Variants in ARPC1A observed in about 807,000 individuals in gnomAD.
The protein encoded by ARPC1A is actin related protein 2/3 complex subunit 1A.
Under a neutral mutation model 46.9 loss-of-function variants are expected in ARPC1A, and 8 were observed. The ratio of observed to expected loss-of-function variants is 0.17; its 90% CI spans 0.10 to 0.31. The LOEUF (loss-of-function observed/expected upper bound fraction) is 0.31, where lower values mean the gene tolerates loss of function less well. Among genes scored for constraint, ARPC1A ranks in the 10% least tolerant of loss-of-function variants. ARPC1A has a pLI of 1.00. For missense variants in ARPC1A, 286 were observed against 483.6 expected, an observed-to-expected ratio of 0.59 and a Z score of 3.83; for synonymous variants, 152 against 169.0, an observed-to-expected ratio of 0.90 and a Z score of 0.78.
chr7:99,344,735 C>T (rs1202010272), intron 4 of ARPC1A, among the ~76,000 whole-genome samples: 2 of 151,860 alleles, frequency 1.3e-5, no homozygotes, highest in East Asian at 1.9e-4. Context: ...ATGTTCTGAT[C>T]GCCTAACTTG....
chr7:99,357,556 C>T (rs979473310), intron 6 of ARPC1A, among the ~76,000 whole-genome samples: 1 of 151,684 alleles, frequency 6.6e-6, no homozygotes, highest in Non-Finnish European at 1.5e-5. Context: ...TCTCAAACTC[C>T]TGCCTCCAGC....
At position 99,344,416 on chromosome 7, in the gene ARPC1A, C is replaced by T; in HGVS notation, c.293C>T (p.Ala98Val). 6.2e-7 allele frequency: 1 copy of T among 1,613,984 alleles called. No individual in the cohort carries two copies. The highest frequency in any genetic ancestry group is 8.5e-7 in the Non-Finnish European group (1 of 1,179,864). Residue 98 changes from alanine (A) to valine (V), a missense_variant, in exon 4 of 10, where the codon GCA (alanine) becomes GTA (valine). Transcript: ENST00000262942. ...CTGGTGATCCTGAGAATTAATCGCGCAGCTACTTTTGTGAAGTGGTCCCCC... is the reference window on the plus strand; with the variant it reads ...CTGGTGATCCTGAGAATTAATCGCGTAGCTACTTTTGTGAAGTGGTCCCCC... ...PTLVILRINR[A>V]ATFVKWSPLE...
chr7:99,338,082 T>C (rs557395699), intron 2 of ARPC1A, 99 bp from the exon 3 acceptor site: 1 of 806,852 alleles, frequency 1.2e-6, no homozygotes, highest in Admixed American at 3.4e-5. Context: ...GTTTTTCTTT[T>C]CCTTACTATA....
At chr7:99,363,836 C>T (rs79116928) in intron 9 of ARPC1A, among the ~76,000 whole-genome samples, 6,858 of 151,846 alleles carry the variant, frequency 0.045, 483 homozygotes, top group East Asian at 0.31. Context: ...CACCATGCTC[C>T]GTGAATATTT....
chr7:99,330,063 TAAA>T (rs549591360), intron 1 of ARPC1A, among the ~76,000 whole-genome samples: 1 of 144,026 alleles, frequency 6.9e-6, no homozygotes, highest in African/African-American at 2.5e-5. Context: ...GAAGTTCTTG[TAAA>T]AAAAAAAAAC....
chr7:99,336,146 C>T (rs1179593910), intron 2 of ARPC1A, among the ~76,000 whole-genome samples: 2 of 152,130 alleles, frequency 1.3e-5, no homozygotes, highest in East Asian at 1.9e-4. Context: ...AATACAGATG[C>T]AAGCTATCAT....
intron 9 of ARPC1A, among the ~76,000 whole-genome samples, chr7:99,364,268 CTT>C (rs1226720404): frequency 0.018 from 2,125 of 117,266 alleles, 54 homozygotes; most frequent in African/African-American, 0.07. Flanking sequence ...AGATCTCTCT[CTT>C]TTTTTTTTTT....
intron 2 of ARPC1A, among the ~76,000 whole-genome samples, chr7:99,336,441 A>G (rs548637403): frequency 2.0e-5 from 3 of 150,252 alleles, no homozygotes; most frequent in Admixed American, 2.0e-4. Context: ...GTAGGTGGGG[A>G]CTATTAATGA....
chr7:99,344,888 A>T (rs1562799241), intron 4 of ARPC1A, among the ~76,000 whole-genome samples: 1 of 86,888 alleles, frequency 1.2e-5, no homozygotes, highest in African/African-American at 4.5e-5. Context: ...TTCACAGGAT[A>T]TCTATGTAGG....
At chr7:99,332,774 T>C (rs988526821) in intron 1 of ARPC1A, among the ~76,000 whole-genome samples, 1 of 152,002 alleles carries the variant, frequency 6.6e-6, no homozygotes, top group Admixed American at 6.6e-5. Context: ...GCTAATTTTT[T>C]GTATTTTTAG....
chr7:99,337,840 G>T (rs534796822), intron 2 of ARPC1A, among the ~76,000 whole-genome samples: 1 of 152,236 alleles, frequency 6.6e-6, no homozygotes, highest in Admixed American at 6.5e-5. Flanking sequence ...TTGCACAGGT[G>T]AATGAAACTG....
At position 99,366,024 on chromosome 7, in the gene ARPC1A, C is replaced by T; in HGVS notation, c.*95C>T. 1 of 1,414,526 alleles carries T rather than the reference C, an allele frequency of 7.1e-7. No homozygotes were observed. The highest frequency in any genetic ancestry group is 9.7e-7 in the Non-Finnish European group (1 of 1,029,680). The allele number at this position is 1,414,526 out of a possible 1,614,324, so 87.6% of individuals were successfully genotyped here. A position where few individuals can be genotyped will look rare whatever the true frequency, so the allele number is the denominator to read the frequency against. ...CGAGGAAGCCAGCCCCAAGGAAACACTGAAAACACATATCACGCCAATGCC... is the reference window on the plus strand; with the variant it reads ...CGAGGAAGCCAGCCCCAAGGAAACATTGAAAACACATATCACGCCAATGCC... On this transcript the variant is annotated 3_prime_UTR_variant, in exon 10 of 10. Coordinates refer to ENST00000262942, the MANE Select transcript of ARPC1A (RefSeq NM_006409.4).
chr7:99,348,065 G>T (rs1793489574), intron 4 of ARPC1A, among the ~76,000 whole-genome samples: 1 of 151,990 alleles, frequency 6.6e-6, no homozygotes, highest in Non-Finnish European at 1.5e-5. Context: ...CCAACATGAG[G>T]TTCTTCTAAT....
chr7:99,334,677 G>GTTTA (rs1301861373), intron 2 of ARPC1A, among the ~76,000 whole-genome samples: 10 of 151,704 alleles, frequency 6.6e-5, no homozygotes, highest in African/African-American at 1.5e-4. Context: ...TTTTTTCTGT[G>GTTTA]TTTATTTATT....
chr7:99,329,034 C>T (rs1262937057), intron 1 of ARPC1A, among the ~76,000 whole-genome samples: 1 of 151,882 alleles, frequency 6.6e-6, no homozygotes, highest in Non-Finnish European at 1.5e-5. Flanking sequence ...GGCGCGGTGG[C>T]TCACGCCTGT....
chr7:99,363,613 A>C lies in ARPC1A; in HGVS notation c.1054A>C (p.Met352Leu), dbSNP rs987326157. The C allele has an allele frequency of 5.0e-6, 8 of 1,610,822 alleles. No homozygotes were observed. The highest frequency in any genetic ancestry group is 6.8e-6 in the Non-Finnish European group (8 of 1,179,288). The change falls in exon 9 of 10, where the codon ATG becomes CTG. Residue 352 changes from methionine to leucine, a missense_variant. This residue lies in a region of ARPC1A where 182 missense variants were observed against 276.7 expected (regional missense o/e 0.66). Transcript: ENST00000262942. ...KFCTTGIDGA[M>L]TIWDFKTLES... is the part of the protein sequence containing the mutation. ...TTGCACTACTGGCATCGATGGAGCC[A>C]TGACAATTTGGGATTTCAAGGTATT...
At chr7:99,343,610 C>A (rs1343797057) in intron 3 of ARPC1A, among the ~76,000 whole-genome samples, 1 of 152,160 alleles carries the variant, frequency 6.6e-6, no homozygotes, top group African/African-American at 2.4e-5. Context: ...GGATTCTTCA[C>A]AGAGGTACCA....
chr7:99,354,642 C>G (rs748113290), intron 6 of ARPC1A, among the ~76,000 whole-genome samples: 1 of 151,688 alleles, frequency 6.6e-6, no homozygotes, highest in Non-Finnish European at 1.5e-5. Flanking sequence ...GTCAAGAGTT[C>G]AAGACCAGCC....
chr7:99,364,707 C>A (rs1314136703), intron 9 of ARPC1A, among the ~76,000 whole-genome samples: 1 of 152,148 alleles, frequency 6.6e-6, no homozygotes, highest in Non-Finnish European at 1.5e-5. Context: ...CCCTATTGGA[C>A]ACCAGCCCAG....
Sources: gnomAD v4.1 joint callset for allele counts (sites outside exome capture counted in the v4.1 genomes callset) on GRCh38, gnomAD v4.1.1 for gene constraint, gnomAD v4.1.1 regional missense constraint, MANE v1.5 for transcripts, NCBI Gene and HGNC (gene_info 2026-07-23, HGNC 2026-07-21) for gene names.